ADGRA3: variants seen among roughly 807,000 people sequenced by gnomAD.
ADGRA3 encodes the protein G-protein coupled receptor 125.
Under a neutral mutation model 119.8 loss-of-function variants are expected in ADGRA3, and 56 were observed. That is an observed-to-expected ratio of 0.47 (90% CI 0.38 to 0.58). The LOEUF (loss-of-function observed/expected upper bound fraction) is 0.58. Among genes scored for constraint, ADGRA3 ranks in the 20% least tolerant of loss-of-function variants. ADGRA3 has a pLI of 0.00. For synonymous variants in ADGRA3, 607 were observed against 623.8 expected (o/e 0.97, Z 0.40); for missense variants, 1,516 against 1,649.0 (o/e 0.92, Z 1.40).
chr4:22,448,164 A>G (rs895456543), intron 4 of ADGRA3, among the ~76,000 whole-genome samples: 1 of 152,176 alleles, frequency 6.6e-6, no homozygotes, highest in Non-Finnish European at 1.5e-5. Context: ...GTTACACCCA[A>G]AACGATTTGA....
chr4:22,397,229 A>C (rs1316748166), intron 16 of ADGRA3, among the ~76,000 whole-genome samples: 2 of 136,208 alleles, frequency 1.5e-5, no homozygotes, highest in Admixed American at 8.2e-5. Flanking sequence ...GTCATCAGGC[A>C]GGAGTGCAGT....
At chr4:22,498,425 C>A (rs547574185) in intron 1 of ADGRA3, among the ~76,000 whole-genome samples, 6 of 151,332 alleles carry the variant, frequency 4.0e-5, no homozygotes, top group Non-Finnish European at 8.8e-5. Flanking sequence ...TCAAGACCAG[C>A]CAGACCAACT....
rs373030821 is a variant in ADGRA3, at chr4:22,513,507, AT to A, written c.257+2020del. 7.1e-3 allele frequency among the ~76,000 whole-genome samples: 1,055 copies of A among 147,574 alleles called. 6 individuals carry two copies. The highest frequency in any genetic ancestry group is 0.024 in the African/African-American group (962 of 40,144). The stretch of plus-strand genomic sequence containing the variant: ...TATCTTCTTCCCATTCACTAAACAA[AT>A]TTTTTTTTTCTTTTTTTTTTTGAAT... On this transcript the variant is annotated intron_variant, in intron 1 of 18. Transcript: ENST00000334304.
At chr4:22,425,072 TAAAA>T (rs756972669) in intron 10 of ADGRA3, among the ~76,000 whole-genome samples, 2 of 128,900 alleles carry the variant, frequency 1.6e-5, no homozygotes, top group Admixed American at 1.6e-4. Context: ...GAGACACTCT[TAAAA>T]AAAAAAAAAA....
intron 1 of ADGRA3, among the ~76,000 whole-genome samples, chr4:22,483,294 G>A (rs551489941): frequency 6.6e-6 from 1 of 152,094 alleles, no homozygotes; most frequent in Non-Finnish European, 1.5e-5. Flanking sequence ...AACAGAAAAG[G>A]TCCCACAACA....
At chr4:22,462,351 T>C (rs1717497238) in intron 2 of ADGRA3, among the ~76,000 whole-genome samples, 1 of 152,174 alleles carries the variant, frequency 6.6e-6, no homozygotes, top group Non-Finnish European at 1.5e-5. Flanking sequence ...TCTTGCTCTG[T>C]CACCCAGGCT....
At chr4:22,512,251 A>G (rs1481358453) in intron 1 of ADGRA3, among the ~76,000 whole-genome samples, 5 of 151,922 alleles carry the variant, frequency 3.3e-5, no homozygotes, top group Admixed American at 3.3e-4. Flanking sequence ...CCTCAATCCC[A>G]CTAGGATTGA....
intron 1 of ADGRA3, among the ~76,000 whole-genome samples, chr4:22,495,875 C>T (rs1718804360): frequency 6.6e-6 from 1 of 151,786 alleles, no homozygotes; most frequent in African/African-American, 2.4e-5. Context: ...CGCCACTACA[C>T]TGCAGCCTGG....
At chr4:22,390,388 TTATATATATATATAA>T (rs1714081163) in intron 17 of ADGRA3, among the ~76,000 whole-genome samples, 1 of 32,048 alleles carries the variant, frequency 3.1e-5, no homozygotes, top group African/African-American at 1.7e-4. Context: ...ATAATACGTA[TTATATATATATATAA>T]AATACGTATT....
intron 10 of ADGRA3, among the ~76,000 whole-genome samples, chr4:22,434,707 G>A (rs1002532371): frequency 2.0e-5 from 3 of 152,176 alleles, no homozygotes; most frequent in Non-Finnish European, 4.4e-5. Context: ...CATTCATTCT[G>A]TAAACTGTGC....
chr4:22,413,793 T>G lies in ADGRA3; in HGVS notation c.1831A>C (p.Ile611Leu). The change falls in exon 13 of 19, where the codon ATT becomes CTT. Residue 611 changes from isoleucine (I) to leucine (L), a missense_variant. Around this residue, in one of 2 missense-constraint regions of ADGRA3, gnomAD observed 1,088 missense variants for 1,107.1 expected, o/e 0.98. Transcript: ENST00000334304. ...GAGAAAAGGGAAGGAGGAAGCTGAA[T>G]AGAAGCCTCCACAATAGTATTCTGA... ...ALKNTIVEAS[I>L]QLPPSLFSPK... The G allele has an allele frequency of 1.2e-6, 2 of 1,612,750 alleles. No homozygotes were observed. Among genetic ancestry groups the G allele is most frequent in the Non-Finnish European group, 1.7e-6 (2 of 1,179,176 alleles).
chr4:22,457,044 T>G (rs1162097329), intron 3 of ADGRA3, among the ~76,000 whole-genome samples: 1 of 152,200 alleles, frequency 6.6e-6, no homozygotes, highest in Non-Finnish European at 1.5e-5. Context: ...TATAATCTTG[T>G]CTCAATTCTG....
chr4:22,417,056 A>G (rs1056327649), intron 12 of ADGRA3, among the ~76,000 whole-genome samples: 12 of 152,208 alleles, frequency 7.9e-5, no homozygotes, highest in Non-Finnish European at 4.4e-5. Context: ...ATACTAATTT[A>G]TCTATGTTTT....
chr4:22,482,912 G>A (rs993619168), intron 1 of ADGRA3, among the ~76,000 whole-genome samples: 3 of 152,162 alleles, frequency 2.0e-5, no homozygotes, highest in South Asian at 4.1e-4. Context: ...AGCCACAGAC[G>A]TCTAGAGGAT....
chr4:22,493,801 A>C (rs991241885), intron 1 of ADGRA3, among the ~76,000 whole-genome samples: 1 of 152,200 alleles, frequency 6.6e-6, no homozygotes, highest in Non-Finnish European at 1.5e-5. Context: ...TCTAAGTCAT[A>C]GGATAAAAAA....
intron 16 of ADGRA3, among the ~76,000 whole-genome samples, chr4:22,397,222 A>G (rs1714396633): frequency 7.4e-6 from 1 of 135,934 alleles, no homozygotes; most frequent in African/African-American, 2.9e-5. Flanking sequence ...TCGCTCTGTC[A>G]TCAGGCAGGA....
At chr4:22,477,497 C>T (rs548597204) in intron 1 of ADGRA3, 1 of 152,098 alleles carries the variant, frequency 6.6e-6, no homozygotes, top group Non-Finnish European at 1.5e-5. Context: ...AACCAAAGAA[C>T]AGGGAAATGA....
intron 1 of ADGRA3, among the ~76,000 whole-genome samples, chr4:22,500,708 G>A (rs905821502): frequency 6.6e-6 from 1 of 152,134 alleles, no homozygotes; most frequent in Admixed American, 6.5e-5. Flanking sequence ...AAAGTAAGAG[G>A]TGCCCAGATA....
intron 1 of ADGRA3, chr4:22,478,157 C>T (rs775672546): frequency 3.3e-5 from 5 of 152,146 alleles, no homozygotes; most frequent in African/African-American, 1.2e-4. Context: ...TGAATTTCAA[C>T]GCCATTAAGG....
Sources: gnomAD v4.1 joint callset for allele counts (sites outside exome capture counted in the v4.1 genomes callset) on GRCh38, gnomAD v4.1.1 for gene constraint, gnomAD v4.1.1 regional missense constraint, MANE v1.5 for transcripts, NCBI Gene and HGNC (gene_info 2026-07-23, HGNC 2026-07-21) for gene names.